GCNT1: variants seen among roughly 807,000 people sequenced by gnomAD.
GCNT1 encodes the protein glucosaminyl (N-acetyl) transferase 1.
In GCNT1, 16 loss-of-function variants were observed where a neutral mutation model predicts 26.2. That is an observed-to-expected ratio of 0.61 (90% CI 0.41 to 0.93). The LOEUF (loss-of-function observed/expected upper bound fraction) is 0.93. Among genes scored for constraint, GCNT1 ranks in the 40% least tolerant of loss-of-function variants. GCNT1 has a pLI of 0.00. For missense variants in GCNT1, 477 were observed against 526.7 expected, an observed-to-expected ratio of 0.91 and a Z score of 0.92; for synonymous variants, 183 against 190.8, an observed-to-expected ratio of 0.96 and a Z score of 0.34.
Position 76,459,182 on chromosome 9 carries a change from A to G in GCNT1, c.-531A>G, listed in dbSNP as rs1195898944. On this transcript the variant is annotated 5_prime_UTR_variant, in exon 1 of 4. Coordinates refer to ENST00000376730, the MANE Select transcript of GCNT1 (RefSeq NM_001490.5). ...TCTGGGGGCGGCCCCGGGGCGGGCCACGCTGGTGTGAGGGCTGCAGGCGCA... is the reference window on the plus strand; with the variant it reads ...TCTGGGGGCGGCCCCGGGGCGGGCCGCGCTGGTGTGAGGGCTGCAGGCGCA... 6.6e-6 allele frequency: 1 copy of G among 152,320 alleles called. No homozygotes were observed. The highest frequency in any genetic ancestry group is 2.1e-4 in the South Asian group (1 of 4,842). 9.4% of individuals were successfully genotyped at this position (152,320 alleles called of 1,614,324 possible). A position where few individuals can be genotyped will look rare whatever the true frequency, so the allele number is the denominator to read the frequency against.
At chr9:76,460,332 A>C (rs72747345) in intron 2 of GCNT1, among the ~76,000 whole-genome samples, 155 bp downstream of exon 2, 5,646 of 152,346 alleles carry the variant, frequency 0.037, 126 homozygotes, top group East Asian at 0.047. Flanking sequence ...GTTCAAAGAA[A>C]GCCGTGGTGC....
intron 2 of GCNT1, among the ~76,000 whole-genome samples, chr9:76,482,799 C>G (rs1402958479): frequency 7.0e-6 from 1 of 142,846 alleles, no homozygotes; most frequent in Non-Finnish European, 1.5e-5. Flanking sequence ...CATGCGCCAC[C>G]ACACCGGGCT....
In GCNT1 at chr9:76,503,435, A is replaced by G; in HGVS notation, c.1054A>G (p.Arg352Gly). The G allele has an allele frequency of 6.2e-7, 1 of 1,614,114 alleles. No homozygotes were observed. The highest frequency in any genetic ancestry group is 8.5e-7 in the Non-Finnish European group (1 of 1,180,010). ...TCTGTCTGACATGCAAGCAGTTGCCAGGTTTGTCAAGTGGCAGTACTTTGA... is the reference window on the plus strand; with the variant it reads ...TCTGTCTGACATGCAAGCAGTTGCCGGGTTTGTCAAGTGGCAGTACTTTGA... ...YDLSDMQAVA[R>G]FVKWQYFEGD... Residue 352 changes from arginine (R) to glycine (G), a missense_variant, in exon 4 of 4, where the codon AGG becomes GGG. Arg to Gly is a moderately radical substitution (Grantham distance 125). Transcript: ENST00000376730.
chr9:76,453,162 TTTA>T (rs1290144603), intron 1 of GCNT1, among the ~76,000 whole-genome samples: 5 of 152,154 alleles, frequency 3.3e-5, no homozygotes, highest in Admixed American at 6.5e-5. Flanking sequence ...CCATCTCCTG[TTTA>T]GCACAGGAGA....
the GCNT1 span, chr9:76,394,113 G>A: frequency 6.2e-7 from 1 of 1,609,046 alleles, no homozygotes; most frequent in Admixed American, 1.7e-5. Context: ...CAGCTGCTTG[G>A]AGCCGCGGCC....
intron 1 of GCNT1, among the ~76,000 whole-genome samples, chr9:76,450,571 G>A (rs917079864): frequency 5.3e-5 from 8 of 152,232 alleles, no homozygotes; most frequent in African/African-American, 1.7e-4. Context: ...TCTATATTAT[G>A]TTTATCAATC....
chr9:76,417,615 A>G (rs1021526392), upstream of GCNT1, among the ~76,000 whole-genome samples: 7 of 152,234 alleles, frequency 4.6e-5, no homozygotes, highest in Non-Finnish European at 1.0e-4. Flanking sequence ...ACACTTCAGT[A>G]TTCTCCCAAC....
At chr9:76,473,303 GTAT>G (rs1824180666) in intron 2 of GCNT1, among the ~76,000 whole-genome samples, 1 of 152,134 alleles carries the variant, frequency 6.6e-6, no homozygotes, top group African/African-American at 2.4e-5. Context: ...CAGGGAGCAT[GTAT>G]TATTTATGTT....
chr9:76,419,763 G>A (rs1823165362), upstream of GCNT1: 1 of 152,226 alleles, frequency 6.6e-6, no homozygotes, highest in African/African-American at 2.4e-5. Flanking sequence ...TAACAGAATT[G>A]AATCCTGACA....
chr9:76,489,529 C>T (rs1219589988), intron 2 of GCNT1, among the ~76,000 whole-genome samples: 1 of 152,150 alleles, frequency 6.6e-6, no homozygotes, highest in East Asian at 1.9e-4. Flanking sequence ...TTGGACCCGC[C>T]CATGTCCTGC....
At chr9:76,400,168 A>G in the GCNT1 span, among the ~76,000 whole-genome samples, 44 of 152,220 alleles carry the variant, frequency 2.9e-4, no homozygotes, top group Non-Finnish European at 5.4e-4. Flanking sequence ...ATATGACATT[A>G]TGCATGTATC....
At chr9:76,446,556 C>G (rs990057580) in intron 1 of GCNT1, among the ~76,000 whole-genome samples, 1 of 152,166 alleles carries the variant, frequency 6.6e-6, no homozygotes, top group African/African-American at 2.4e-5. Flanking sequence ...TTTGACCAAG[C>G]AATACCACTT....
chr9:76,458,898 G>C (rs556790384), upstream of GCNT1, among the ~76,000 whole-genome samples: 1 of 152,240 alleles, frequency 6.6e-6, no homozygotes, highest in Non-Finnish European at 1.5e-5. Flanking sequence ...AGCATTTCTC[G>C]AGTTTCCTGC....
Position 76,503,740 on chromosome 9 carries a change from T to A in GCNT1, c.*72T>A. ...ACCCTTATCTGTTTCCCCTTCCTTG[T>A]CAGCATCGGGAAGATGGTATGAAGT... On this transcript the variant is annotated 3_prime_UTR_variant, in exon 4 of 4. Coordinates refer to ENST00000376730, the MANE Select transcript of GCNT1 (RefSeq NM_001490.5). The A allele has an allele frequency of 7.9e-7, 1 of 1,269,330 alleles. No individual in the cohort carries two copies. Among genetic ancestry groups the A allele is most frequent in the Non-Finnish European group, 1.1e-6 (1 of 877,622 alleles). The allele number at this position is 1,269,330 out of a possible 1,614,324, so 78.6% of individuals were successfully genotyped here.
chr9:76,419,346 T>C (rs10116800), upstream of GCNT1, among the ~76,000 whole-genome samples: 49,580 of 151,774 alleles, frequency 0.33, 8,674 homozygotes, highest in Non-Finnish European at 0.39. Context: ...TAAATACATA[T>C]TGGTTGGTAA....
At chr9:76,399,253 G>GCCGCA in the GCNT1 span, 4,958 of 1,477,646 alleles carry the variant, frequency 3.4e-3, 114 homozygotes, top group African/African-American at 0.056. Flanking sequence ...TTCTGCGCAT[G>GCCGCA]TGTAGCACGA....
At chr9:76,425,559 A>T (rs1217854775) in intron 1 of GCNT1, among the ~76,000 whole-genome samples, 1 of 152,094 alleles carries the variant, frequency 6.6e-6, no homozygotes, top group Non-Finnish European at 1.5e-5. Flanking sequence ...ATTTACTCAA[A>T]ATATGGACAA....
At chr9:76,433,498 TG>T (rs1823365214) in intron 1 of GCNT1, among the ~76,000 whole-genome samples, 1 of 152,180 alleles carries the variant, frequency 6.6e-6, no homozygotes, top group African/African-American at 2.4e-5. Flanking sequence ...GCCACATGCC[TG>T]GGCCAGCCAC....
chr9:76,464,448 C>T (rs984641858), intron 2 of GCNT1, among the ~76,000 whole-genome samples: 1 of 152,186 alleles, frequency 6.6e-6, no homozygotes, highest in Admixed American at 6.5e-5. Flanking sequence ...AACTCCCGAG[C>T]TCAAGCGATC....
Sources: allele counts gnomAD v4.1 joint callset (sites outside exome capture counted in the v4.1 genomes callset), GRCh38; gene constraint gnomAD v4.1.1; transcripts MANE v1.5; gene names NCBI Gene and HGNC (gene_info 2026-07-23, HGNC 2026-07-21).